The following SPECC1 variants were observed in gnomAD, a reference collection of about 807,000 sequenced individuals.
SPECC1 encodes the protein cytospin-B.
SPECC1 carries 62 observed loss-of-function variants against 104.1 expected under a neutral mutation model. The ratio of observed to expected loss-of-function variants is 0.60; its 90% CI spans 0.49 to 0.74. The LOEUF is 0.74. Among genes scored for constraint, SPECC1 ranks in the 30% least tolerant of loss-of-function variants. The probability of loss-of-function intolerance (pLI) is 0.00; values close to 1 mark genes in which losing one functional copy is unlikely to be tolerated. For synonymous variants in SPECC1, 513 were observed against 501.6 expected (o/e 1.02, Z -0.30); for missense variants, 1,306 against 1,310.5 (o/e 1.00, Z 0.05).
intron 1 of SPECC1, among the ~76,000 whole-genome samples, chr17:20,044,038 G>C (rs2045437849): frequency 1.3e-5 from 2 of 151,986 alleles, no homozygotes; most frequent in Admixed American, 6.6e-5. Flanking sequence ...ATAACTATTT[G>C]GACTTAAATT....
Position 20,241,238 on chromosome 17 carries a change from C to T in SPECC1, c.2352-4688C>T, listed in dbSNP as rs181274540. ...TCTTCTCTGCCTGGTGAGCCTGGAA[C>T]GCAGAGCCAGCTCTCTGGATCTCTT... On this transcript the variant is annotated intron_variant, in intron 7 of 14. Transcript: ENST00000395527. Among the ~76,000 whole-genome samples the T allele has an allele frequency of 4.4e-4, 67 of 152,310 alleles. 1 individual carries two copies. The highest frequency in any genetic ancestry group is 3.7e-3 in the Admixed American group (57 of 15,300).
chr17:20,191,636 A>G (rs1187802396), intron 3 of SPECC1, among the ~76,000 whole-genome samples: 1 of 151,870 alleles, frequency 6.6e-6, no homozygotes, highest in Non-Finnish European at 1.5e-5. Context: ...TCCTAATGCT[A>G]TCCCTTCCCT....
intron 3 of SPECC1, among the ~76,000 whole-genome samples, chr17:20,133,834 C>T (rs957930874): frequency 2.6e-5 from 4 of 152,144 alleles, no homozygotes; most frequent in African/African-American, 9.7e-5. Context: ...CTTTGCACTC[C>T]GTATTCCCAA....
At chr17:20,078,374 G>T (rs938359431) in intron 1 of SPECC1, among the ~76,000 whole-genome samples, 6 of 151,792 alleles carry the variant, frequency 4.0e-5, no homozygotes, top group African/African-American at 1.5e-4. Flanking sequence ...ATGGGCAAAG[G>T]TTATAAAAAA....
intron 12 of SPECC1, among the ~76,000 whole-genome samples, chr17:20,277,125 G>T (rs1266880117): frequency 6.6e-6 from 1 of 152,216 alleles, no homozygotes; most frequent in Non-Finnish European, 1.5e-5. Flanking sequence ...GACAGATGTG[G>T]CCCATTCAGG....
chr17:20,169,081 C>A (rs1157648139), intron 3 of SPECC1, among the ~76,000 whole-genome samples: 1 of 152,150 alleles, frequency 6.6e-6, no homozygotes, highest in East Asian at 1.9e-4. Flanking sequence ...CTATGTTGCC[C>A]AGGCTGGTCT....
chr17:20,288,233 A>G (rs1457156193), intron 12 of SPECC1, among the ~76,000 whole-genome samples: 1 of 152,132 alleles, frequency 6.6e-6, no homozygotes, highest in Non-Finnish European at 1.5e-5. Flanking sequence ...TGCTATTGTG[A>G]ATGGTGCTGC....
At chr17:20,243,896 C>T (rs1179338168) in intron 7 of SPECC1, among the ~76,000 whole-genome samples, 2 of 152,030 alleles carry the variant, frequency 1.3e-5, no homozygotes, top group African/African-American at 4.8e-5. Context: ...CCTTGGGGGC[C>T]TTTGGTACTG....
chr17:20,299,551 GTCTC>G (rs2041492021), intron 13 of SPECC1, among the ~76,000 whole-genome samples: 1 of 94,932 alleles, frequency 1.1e-5, no homozygotes, highest in African/African-American at 5.4e-5. Context: ...CAGAGACCCT[GTCTC>G]AAAAAAAAAA....
chr17:20,102,547 C>T (rs962528145), intron 2 of SPECC1, among the ~76,000 whole-genome samples: 1 of 152,218 alleles, frequency 6.6e-6, no homozygotes, highest in Non-Finnish European at 1.5e-5. Context: ...ACAGAGTCAG[C>T]TGAGTGTGGC....
intron 14 of SPECC1, among the ~76,000 whole-genome samples, chr17:20,308,060 G>C (rs1210321298): frequency 6.6e-6 from 1 of 152,114 alleles, no homozygotes; most frequent in Non-Finnish European, 1.5e-5. Context: ...AATCTCATTA[G>C]GGATTGGGAA....
chr17:20,094,500 AC>A, intron 1 of SPECC1, among the ~76,000 whole-genome samples: 1 of 152,184 alleles, frequency 6.6e-6, no homozygotes, highest in Non-Finnish European at 1.5e-5. Context: ...GAAAACATCC[AC>A]CCTCTTCCTG....
At chr17:20,111,330 C>T (rs543144739) in intron 3 of SPECC1, among the ~76,000 whole-genome samples, 1 of 152,286 alleles carries the variant, frequency 6.6e-6, no homozygotes, top group South Asian at 2.1e-4. Flanking sequence ...GTAAAAGTCA[C>T]ATTCAGGCTA....
In SPECC1 at chr17:20,013,627, G is replaced by A. The variant is rs114455297; in HGVS notation, c.-22+4203G>A. ...AACGATTCTCCCAACCCAGCCTCCC[G>A]AGTAGCTGGAATTACAGGCCTGCAA... On this transcript the variant is annotated intron_variant, in intron 1 of 14. Coordinates refer to ENST00000395527, the MANE Select transcript of SPECC1 (RefSeq NM_001243439.2). Among the ~76,000 whole-genome samples, 743 of 152,150 alleles carry A rather than the reference G, an allele frequency of 4.9e-3. 9 individuals carry two copies. Among genetic ancestry groups the A allele is most frequent in the African/African-American group, 0.017 (703 of 41,516 alleles).
intron 3 of SPECC1, chr17:20,156,294 C>G: frequency 1.5e-6 from 2 of 1,309,008 alleles, no homozygotes; most frequent in Non-Finnish European, 2.0e-6. Context: ...CCTCCAGGCG[C>G]CCTTCCCCCA....
At chr17:20,238,418 C>T in intron 7 of SPECC1, 1 of 1,041,914 alleles carries the variant, frequency 9.6e-7, no homozygotes, top group Non-Finnish European at 1.2e-6. Flanking sequence ...CTGCAATCCT[C>T]ACATGAGGAA....
intron 1 of SPECC1, among the ~76,000 whole-genome samples, chr17:20,077,627 T>C (rs1198254626): frequency 2.0e-5 from 3 of 151,982 alleles, no homozygotes; most frequent in African/African-American, 7.3e-5. Context: ...CCACCACGCC[T>C]GGCTAAGTTT....
At chr17:20,179,668 A>G (rs1003549450) in intron 3 of SPECC1, among the ~76,000 whole-genome samples, 1 of 152,230 alleles carries the variant, frequency 6.6e-6, no homozygotes, top group Non-Finnish European at 1.5e-5. Context: ...GAATATTTTT[A>G]GCCATGAGGG....
At chr17:20,093,168 G>T (rs946180400) in intron 1 of SPECC1, among the ~76,000 whole-genome samples, 16 of 152,160 alleles carry the variant, frequency 1.1e-4, no homozygotes, top group Admixed American at 1.3e-4. Context: ...CACAGTTCTG[G>T]AGGCTGCATA....
Sources: allele counts gnomAD v4.1 joint callset (sites outside exome capture counted in the v4.1 genomes callset), GRCh38; gene constraint gnomAD v4.1.1; transcripts MANE v1.5; gene names NCBI Gene and HGNC (gene_info 2026-07-23, HGNC 2026-07-21).